The following PIGU variants were observed in gnomAD, a reference collection of about 807,000 sequenced individuals.
PIGU encodes phosphatidylinositol glycan anchor biosynthesis class U.
PIGU carries 24 observed loss-of-function variants against 49.9 expected under a neutral mutation model. The observed-to-expected ratio is 0.48, with a 90% CI of 0.35 to 0.68. The LOEUF (loss-of-function observed/expected upper bound fraction) is 0.68, where lower values mean the gene tolerates loss of function less well. PIGU is among the 30% of genes least tolerant of loss of function. The pLI is 0.01. For missense variants in PIGU, 490 were observed against 532.6 expected (o/e 0.92, Z 0.79); for synonymous variants, 220 against 205.7 (o/e 1.07, Z -0.59).
At chr20:34,591,983 C>T (rs573647042) in intron 7 of PIGU, among the ~76,000 whole-genome samples, 17 of 152,118 alleles carry the variant, frequency 1.1e-4, no homozygotes, top group African/African-American at 3.9e-4. Context: ...GTCAGGGGAT[C>T]AAAACCATCC....
chr20:34,595,168 G>C (rs1984154334), intron 7 of PIGU, among the ~76,000 whole-genome samples: 1 of 150,072 alleles, frequency 6.7e-6, no homozygotes, highest in African/African-American at 2.5e-5. Flanking sequence ...GTGTGTGAAA[G>C]GAATACAGGA....
At chr20:34,673,162 G>A (rs903224114) in intron 1 of PIGU, among the ~76,000 whole-genome samples, 3 of 150,102 alleles carry the variant, frequency 2.0e-5, no homozygotes, top group Non-Finnish European at 1.5e-5. Flanking sequence ...GCTGAGGCAG[G>A]AGAATGGCGT....
chr20:34,642,819 G>C (rs755909406), intron 4 of PIGU, among the ~76,000 whole-genome samples: 1 of 144,554 alleles, frequency 6.9e-6, no homozygotes, highest in East Asian at 2.0e-4. Context: ...GTACAGTGGC[G>C]CGATCTTGGC....
intron 8 of PIGU, among the ~76,000 whole-genome samples, chr20:34,586,047 G>A (rs548233256): frequency 1.3e-5 from 2 of 152,268 alleles, no homozygotes; most frequent in African/African-American, 4.8e-5. Flanking sequence ...GCCTGAGACC[G>A]AAGTGAGACT....
At chr20:34,646,853 C>A (rs981313713) in intron 2 of PIGU, among the ~76,000 whole-genome samples, 8 of 151,714 alleles carry the variant, frequency 5.3e-5, no homozygotes, top group African/African-American at 1.9e-4. Flanking sequence ...GACAGACTCT[C>A]GCACTGTTGC....
At chr20:34,666,764 T>C (rs1439114100) in intron 1 of PIGU, among the ~76,000 whole-genome samples, 1 of 142,752 alleles carries the variant, frequency 7.0e-6, no homozygotes, top group African/African-American at 2.6e-5. Context: ...TGGCGCGATC[T>C]CGGCTCACTG....
At chr20:34,632,371 CCTT>C (rs1273384141) in intron 6 of PIGU, among the ~76,000 whole-genome samples, 1 of 151,308 alleles carries the variant, frequency 6.6e-6, no homozygotes, top group Non-Finnish European at 1.5e-5. Flanking sequence ...TCTCATATAC[CCTT>C]TTTTTTTTTT....
intron 11 of PIGU, among the ~76,000 whole-genome samples, chr20:34,570,828 GT>G (rs567524794): frequency 1.8e-3 from 280 of 152,144 alleles, no homozygotes; most frequent in Middle Eastern, 6.8e-3. Context: ...GTTCCTTTTT[GT>G]TTATATGTAA....
intron 6 of PIGU, among the ~76,000 whole-genome samples, chr20:34,625,954 T>TA (rs1985470970): frequency 8.2e-6 from 1 of 121,730 alleles, no homozygotes; most frequent in Admixed American, 9.8e-5. Flanking sequence ...AATACATATA[T>TA]ATAATATATA....
intron 7 of PIGU, among the ~76,000 whole-genome samples, chr20:34,611,666 G>GACAAAAAAAAAAAAAAAAAAAA (rs1984819223): frequency 3.0e-5 from 2 of 65,740 alleles, no homozygotes; most frequent in Non-Finnish European, 6.1e-5. Flanking sequence ...AAAAAAAAAA[G>GACAAAAAAAAAAAAAAAAAAAA]ACAAAAAAAA....
chr20:34,605,508 A>G (rs1464363681), intron 7 of PIGU, among the ~76,000 whole-genome samples: 1 of 152,218 alleles, frequency 6.6e-6, no homozygotes, highest in Non-Finnish European at 1.5e-5. Context: ...CCTTTCATGA[A>G]CATTTGAATA....
intron 1 of PIGU, among the ~76,000 whole-genome samples, chr20:34,662,913 G>C (rs796100693): frequency 1.3e-5 from 2 of 152,110 alleles, no homozygotes; most frequent in African/African-American, 4.8e-5. Context: ...AGTAGTTTTT[G>C]TTTTTGTTTT....
chr20:34,630,028 C>T (rs1167012433), intron 6 of PIGU, among the ~76,000 whole-genome samples: 1 of 152,148 alleles, frequency 6.6e-6, no homozygotes, highest in Non-Finnish European at 1.5e-5. Flanking sequence ...AGCCAACTCA[C>T]CCCACAGAAC....
At chr20:34,671,689 G>A (rs772679343) in intron 1 of PIGU, among the ~76,000 whole-genome samples, 10 of 152,030 alleles carry the variant, frequency 6.6e-5, no homozygotes, top group Non-Finnish European at 1.0e-4. Context: ...GGAGGCCAAG[G>A]CAGGTGGATC....
chr20:34,621,808 C>A (rs1215087445), intron 6 of PIGU, among the ~76,000 whole-genome samples: 6 of 152,002 alleles, frequency 3.9e-5, no homozygotes, highest in Non-Finnish European at 8.8e-5. Flanking sequence ...GTGATGGGTG[C>A]CAGGAAACCT....
At chr20:34,623,241 A>C (rs1985316076) in intron 6 of PIGU, among the ~76,000 whole-genome samples, 1 of 151,572 alleles carries the variant, frequency 6.6e-6, no homozygotes, top group South Asian at 2.1e-4. Flanking sequence ...AGGAAGTTGC[A>C]CCAGGGTGTG....
intron 10 of PIGU, chr20:34,579,062 T>C (rs1030153016): frequency 2.6e-5 from 4 of 152,150 alleles, no homozygotes; most frequent in African/African-American, 7.2e-5. Context: ...CAGGGGGGAT[T>C]TGGGGACTTC....
chr20:34,565,320 T>A (rs935180740), intron 11 of PIGU, among the ~76,000 whole-genome samples: 1 of 151,610 alleles, frequency 6.6e-6, no homozygotes, highest in Non-Finnish European at 1.5e-5. Context: ...TGCAATGGTG[T>A]GATCTCAGCT....
chr20:34,562,356 T>A lies in PIGU; in HGVS notation c.1195-1377A>T, dbSNP rs970143904. On this transcript the variant is annotated intron_variant, in intron 11 of 11. Coordinates refer to ENST00000217446, the MANE Select transcript of PIGU (RefSeq NM_080476.5). ...GAGACTGAGGCACAGAGCACTTGGC[T>A]ATGGTCTTGGGGCAAGACAGGTTGA... The A allele has an allele frequency of 3.9e-5, 46 of 1,192,220 alleles. 2 individuals carry two copies. The highest frequency in any genetic ancestry group is 7.4e-4 in the Middle Eastern group (2 of 2,710). The allele number at this position is 1,192,220 out of a possible 1,614,324, so 73.9% of individuals were successfully genotyped here. A position where few individuals can be genotyped will look rare whatever the true frequency, so the allele number is the denominator to read the frequency against.
Sources: allele counts gnomAD v4.1 joint callset (sites outside exome capture counted in the v4.1 genomes callset), GRCh38; gene constraint gnomAD v4.1.1; transcripts MANE v1.5; gene names NCBI Gene and HGNC (gene_info 2026-07-23, HGNC 2026-07-21).